The following HSPG2 variants were observed in gnomAD, a reference collection of about 807,000 sequenced individuals.
HSPG2 encodes basement membrane-specific heparan sulfate proteoglycan core protein.
In HSPG2, 278 loss-of-function variants were observed where a neutral mutation model predicts 526.6. The observed-to-expected ratio is 0.53, with a 90% CI of 0.48 to 0.58. The LOEUF is 0.58. Among genes scored for constraint, HSPG2 ranks in the 20% least tolerant of loss-of-function variants. The probability of loss-of-function intolerance (pLI) is 0.00; values close to 1 mark genes in which losing one functional copy is unlikely to be tolerated. For missense variants in HSPG2, 5,354 were observed against 6,099.5 expected (o/e 0.88, Z 4.07); for synonymous variants, 2,465 against 2,555.4 (o/e 0.96, Z 1.07).
Position 21,880,431 on chromosome 1 carries a change from G to T in HSPG2, c.2127C>A (p.Asp709Glu), listed in dbSNP as rs778671437. Residue 709 changes from aspartate (D) to glutamate (E), a missense_variant, in exon 16 of 97, where the codon GAC (aspartate) becomes GAA (glutamate). Physicochemically the swap from Asp to Glu is conservative, Grantham distance 45 (BLOSUM62 2). Coordinates refer to ENST00000374695, the MANE Select transcript of HSPG2 (RefSeq NM_005529.7). ...NTKMASVGLS[D>E]IAMDTTVTHA... Reference sequence around the variant, plus strand: ...GGGTGACGGTGGTATCCATGGCGATGTCGCTAAGTCCCACGCTGGCCATCT... The same window carrying T: ...GGGTGACGGTGGTATCCATGGCGATTTCGCTAAGTCCCACGCTGGCCATCT... 9.9e-6 allele frequency: 16 copies of T among 1,614,062 alleles called. No homozygotes were observed. The East Asian group carries it at 3.1e-4, about 31-fold the overall frequency.
intron 71 of HSPG2, among the ~76,000 whole-genome samples, chr1:21,840,260 C>T (rs1014411353): frequency 7.2e-5 from 11 of 152,194 alleles, no homozygotes; most frequent in Non-Finnish European, 1.5e-4. Flanking sequence ...GCCTCAGCCT[C>T]CTGAATAGCT....
In HSPG2 at chr1:21,864,960, C is replaced by T. The variant is rs749044578; in HGVS notation, c.4509G>A (p.Ala1503=). ...IRATFSSVPL[A]ASISAVSLEV... is the part of the protein sequence containing the mutation. ...CCAGGCTGACTGCGCTGATGCTGGCCGCCAGCGGCACGGAGGAGAACGTGG... is the reference window on the plus strand; with the variant it reads ...CCAGGCTGACTGCGCTGATGCTGGCTGCCAGCGGCACGGAGGAGAACGTGG... Residue 1503 remains alanine, a synonymous_variant, in exon 36 of 97, where the codon GCG becomes GCA. Coordinates refer to ENST00000374695, the MANE Select transcript of HSPG2 (RefSeq NM_005529.7). This position sits in a 1 kb window ranked among gnomAD's most constrained non-coding sequence, Gnocchi z 4.8. The T allele has an allele frequency of 4.0e-5, 64 of 1,601,368 alleles. No homozygotes were observed. The highest frequency in any genetic ancestry group is 1.9e-4 in the African/African-American group (14 of 74,816).
At chr1:21,842,692 C>T in intron 67 of HSPG2, 78 bp downstream of exon 67, 2 of 1,585,288 alleles carry the variant, frequency 1.3e-6, no homozygotes, top group Non-Finnish European at 8.6e-7. Flanking sequence ...CTGGTGTTTG[C>T]ATGAGGTTTG....
chr1:21,860,558 C>T (rs946249337), intron 39 of HSPG2, among the ~76,000 whole-genome samples: 1 of 151,990 alleles, frequency 6.6e-6, no homozygotes, highest in Non-Finnish European at 1.5e-5. Context: ...GTGGTGCGAT[C>T]TCGGCTCACT....
At chr1:21,869,645 G>A (rs947248878) in intron 33 of HSPG2, 41 of 985,936 alleles carry the variant, frequency 4.2e-5, no homozygotes, top group East Asian at 1.1e-4. Flanking sequence ...GCATCCATCC[G>A]TCTCTGAGCC....
At chr1:21,894,145 G>A (rs115351721) in intron 3 of HSPG2, among the ~76,000 whole-genome samples, 1,636 of 152,156 alleles carry the variant, frequency 0.011, 18 homozygotes, top group Non-Finnish European at 0.014. Flanking sequence ...GGGAGGAGAC[G>A]TGGGAAGGGG....
chr1:21,914,345 G>A (rs973759040), intron 1 of HSPG2, among the ~76,000 whole-genome samples: 1 of 152,106 alleles, frequency 6.6e-6, no homozygotes, highest in African/African-American at 2.4e-5. Flanking sequence ...CTTAGAGGAA[G>A]AGCACCCAGG....
intron 29 of HSPG2, among the ~76,000 whole-genome samples, chr1:21,873,713 C>T (rs903594352): frequency 6.6e-6 from 1 of 152,152 alleles, no homozygotes; most frequent in Admixed American, 6.5e-5. Flanking sequence ...TGAAGGTGAA[C>T]CGCAGGCTAG....
At chr1:21,871,828 C>T (rs1181863703) in intron 33 of HSPG2, among the ~76,000 whole-genome samples, 1 of 152,190 alleles carries the variant, frequency 6.6e-6, no homozygotes, top group African/African-American at 2.4e-5. Flanking sequence ...GAAGTCGGAG[C>T]GGGCACGTGA....
At chr1:21,920,156 C>T (rs1247030051) in intron 1 of HSPG2, among the ~76,000 whole-genome samples, 1 of 152,248 alleles carries the variant, frequency 6.6e-6, no homozygotes, top group African/African-American at 2.4e-5. Flanking sequence ...ATCCGCCAGC[C>T]TTGGCCTCCC....
In HSPG2 at chr1:21,824,663, C is replaced by A. The variant is rs1052552781; in HGVS notation, c.12665+41G>T. ...GGGACAGAAGTCCCAGATTCCCATC[C>A]TCCCCATTAGGCCCATGGGCCCTTC... On this transcript the variant is annotated intron_variant, in intron 92 of 96. Coordinates refer to ENST00000374695, the MANE Select transcript of HSPG2 (RefSeq NM_005529.7). The surrounding 1 kb of genome is among the most constrained non-coding windows in gnomAD (Gnocchi z 5.9). 3.7e-6 allele frequency: 6 copies of A among 1,613,358 alleles called. No individual in the cohort carries two copies. Among genetic ancestry groups the A allele is most frequent in the Middle Eastern group, 1.7e-4 (1 of 6,058 alleles).
chr1:21,875,802 C>A (rs1641014353), intron 24 of HSPG2, 55 bp from the exon 25 acceptor site: 1 of 1,607,258 alleles, frequency 6.2e-7, no homozygotes, highest in Non-Finnish European at 8.5e-7. Flanking sequence ...GTATTGAATG[C>A]CGGAGAGGCA....
intron 91 of HSPG2, among the ~76,000 whole-genome samples, 164 bp downstream of exon 91, chr1:21,827,699 G>A (rs1248428234): frequency 6.6e-6 from 1 of 152,222 alleles, no homozygotes; most frequent in Admixed American, 6.5e-5. Flanking sequence ...CAGTAAGTGT[G>A]GGGCAGGCCC....
rs367987436 is a variant in HSPG2 at position 21,848,351 on chromosome 1, C to T, written c.7738-258G>A. ...ATCCTGCTGGGGCTCCCACAGCCTG[C>T]GAGCTGCCTGAGAGCAGGCAACTGT... On this transcript the variant is annotated intron_variant, in intron 59 of 96. Coordinates refer to ENST00000374695, the MANE Select transcript of HSPG2 (RefSeq NM_005529.7). The surrounding 1 kb of genome is among the most constrained non-coding windows in gnomAD (Gnocchi z 4.9). Among the ~76,000 whole-genome samples the T allele has an allele frequency of 7.2e-5, 11 of 152,260 alleles. No individual in the cohort carries two copies. Among genetic ancestry groups the T allele is most frequent in the African/African-American group, 2.4e-4 (10 of 41,554 alleles).
Position 21,887,128 on chromosome 1 carries a change from T to TA in HSPG2, c.1078+86dup. On this transcript the variant is annotated intron_variant, in intron 9 of 96. Coordinates refer to ENST00000374695, the MANE Select transcript of HSPG2 (RefSeq NM_005529.7). The surrounding 1 kb of genome is among the most constrained non-coding windows in gnomAD (Gnocchi z 5.0). ...GAGGGGGGAAAGCGGAGGGGCAGGG[T>TA]AGGGGCGGGGCAGGAGTGGAAGGCG... is the stretch of plus-strand genomic sequence containing the variant. 8.8e-7 allele frequency: 1 copy of TA among 1,130,092 alleles called. No individual in the cohort carries two copies. Among genetic ancestry groups the TA allele is most frequent in the Non-Finnish European group, 1.2e-6 (1 of 847,538 alleles). 70.0% of individuals were successfully genotyped at this position (1,130,092 alleles called of 1,614,324 possible). A position where few individuals can be genotyped will look rare whatever the true frequency, so the allele number is the denominator to read the frequency against.
At position 21,874,961 on chromosome 1, in the gene HSPG2, G is replaced by A; in HGVS notation, c.3344C>T (p.Thr1115Ile). Residue 1115 changes from threonine to isoleucine, a missense_variant, in exon 26 of 97, where the codon ACC becomes ATC. Transcript: ENST00000374695. Reference protein sequence around the residue: ...ISMDVAVPEETGQDPALEVEQ... With the variant: ...ISMDVAVPEEIGQDPALEVEQ... ...CACTTCCAGCGCGGGGTCCTGGCCG[G>A]TTTCCTCGGGCACAGCCACGTCCAT... 6.2e-7 allele frequency: 1 copy of A among 1,610,668 alleles called. No individual in the cohort carries two copies. Among genetic ancestry groups the A allele is most frequent in the Non-Finnish European group, 8.5e-7 (1 of 1,178,700 alleles).
intron 13 of HSPG2, among the ~76,000 whole-genome samples, chr1:21,882,034 T>C (rs1435181326): frequency 6.6e-6 from 1 of 151,784 alleles, no homozygotes; most frequent in East Asian, 1.9e-4. Flanking sequence ...TCCCAAAGCA[T>C]GCTCTGGGAA....
chr1:21,889,888 G>A, intron 6 of HSPG2, 93 bp downstream of exon 6: 1 of 1,305,994 alleles, frequency 7.7e-7, no homozygotes, highest in African/African-American at 1.4e-5. Flanking sequence ...TTCTAGTGGT[G>A]TGCAAGCCCA....
intron 1 of HSPG2, among the ~76,000 whole-genome samples, chr1:21,912,989 A>G (rs962782424): frequency 6.6e-5 from 10 of 151,998 alleles, no homozygotes; most frequent in Non-Finnish European, 1.0e-4. Flanking sequence ...CAAAAAAAAA[A>G]AAAAAGCTGG....
Sources: gnomAD v4.1 joint callset for allele counts (sites outside exome capture counted in the v4.1 genomes callset) on GRCh38, gnomAD v4.1.1 for gene constraint, Gnocchi (gnomAD v3.1) non-coding constraint, MANE v1.5 for transcripts, NCBI Gene and HGNC (gene_info 2026-07-23, HGNC 2026-07-21) for gene names.